SPPL3: variants seen among roughly 807,000 people sequenced by gnomAD.
SPPL3 encodes signal peptide peptidase like 3.
In SPPL3, 5 loss-of-function variants were observed where a neutral mutation model predicts 42.4. That is an observed-to-expected ratio of 0.12 (90% CI 0.06 to 0.25). SPPL3 has a LOEUF of 0.25. Among genes scored for constraint, SPPL3 ranks in the 10% least tolerant of loss-of-function variants. SPPL3 has a pLI of 1.00. For missense variants in SPPL3, 235 were observed against 489.0 expected, an observed-to-expected ratio of 0.48 and a Z score of 4.90; for synonymous variants, 195 against 181.8, an observed-to-expected ratio of 1.07 and a Z score of -0.58.
At chr12:120,774,324 T>C (rs1869231944) in intron 6 of SPPL3, among the ~76,000 whole-genome samples, 1 of 152,202 alleles carries the variant, frequency 6.6e-6, no homozygotes, top group South Asian at 2.1e-4. Context: ...CAAACATCTG[T>C]TCACATAATT....
chr12:120,833,314 G>T (rs1006722733), intron 1 of SPPL3, among the ~76,000 whole-genome samples: 1 of 152,144 alleles, frequency 6.6e-6, no homozygotes, highest in Non-Finnish European at 1.5e-5. Flanking sequence ...AGGAAAACAG[G>T]GTTGGCCAAA....
intron 1 of SPPL3, among the ~76,000 whole-genome samples, chr12:120,899,569 A>G (rs1297828157): frequency 6.6e-6 from 1 of 152,126 alleles, no homozygotes; most frequent in Non-Finnish European, 1.5e-5. Context: ...TAAGGAAGGA[A>G]TTATGCAGAC....
At chr12:120,790,852 C>T (rs957959650) in intron 3 of SPPL3, among the ~76,000 whole-genome samples, 10 of 141,334 alleles carry the variant, frequency 7.1e-5, no homozygotes, top group Non-Finnish European at 9.2e-5. Context: ...GACGGAGTTT[C>T]GCTCTTGTTG....
intron 1 of SPPL3, among the ~76,000 whole-genome samples, chr12:120,837,573 C>T (rs977741746): frequency 6.6e-5 from 10 of 152,148 alleles, no homozygotes; most frequent in African/African-American, 2.2e-4. Flanking sequence ...TTTGTACTTA[C>T]TCTTTATATC....
At chr12:120,903,712 G>T in intron 1 of SPPL3, 133 bp downstream of exon 1, 2 of 761,962 alleles carry the variant, frequency 2.6e-6, no homozygotes, top group South Asian at 2.2e-5. Context: ...GGGAAGAGGG[G>T]GGCGTGCACC....
intron 1 of SPPL3, among the ~76,000 whole-genome samples, chr12:120,896,085 T>C (rs931111578): frequency 5.9e-5 from 9 of 152,118 alleles, no homozygotes; most frequent in African/African-American, 2.2e-4. Context: ...ATGCTGGAAC[T>C]CCAAAAGAGA....
In SPPL3 at chr12:120,763,924, G is replaced by T. The variant is rs1868768502; in HGVS notation, c.*1075C>A. On this transcript the variant is annotated 3_prime_UTR_variant, in exon 11 of 11. Transcript: ENST00000353487. ...AAATAGAAAAATGTATTTACAAGTA[G>T]TACGTTACTATGATGAGAAAGCACA... 1 of 151,164 alleles carries T rather than the reference G, an allele frequency of 6.6e-6. No homozygotes were observed. The highest frequency in any genetic ancestry group is 1.5e-5 in the Non-Finnish European group (1 of 67,914). 9.4% of individuals were successfully genotyped at this position (151,164 alleles called of 1,614,324 possible).
At chr12:120,878,256 T>C (rs761300840) in intron 1 of SPPL3, among the ~76,000 whole-genome samples, 5 of 152,140 alleles carry the variant, frequency 3.3e-5, no homozygotes, top group Non-Finnish European at 5.9e-5. Context: ...AGAAGGAATA[T>C]ACCAGAATAT....
intron 4 of SPPL3, 56 bp downstream of exon 4, chr12:120,784,418 A>G: frequency 6.7e-7 from 1 of 1,484,446 alleles, no homozygotes; most frequent in South Asian, 1.4e-5. Context: ...ACAATGATAA[A>G]GGTGAAAAAT....
chr12:120,842,162 T>G (rs1164195236), intron 1 of SPPL3, among the ~76,000 whole-genome samples: 2 of 152,138 alleles, frequency 1.3e-5, no homozygotes, highest in African/African-American at 2.4e-5. Context: ...TGCTCAAAAT[T>G]TGAAATTGTG....
At chr12:120,788,736 T>C (rs1869806209) in intron 3 of SPPL3, among the ~76,000 whole-genome samples, 1 of 152,214 alleles carries the variant, frequency 6.6e-6, no homozygotes. Context: ...AAACTTCTGA[T>C]TACTGTCTCC....
chr12:120,840,966 A>T (rs540243455), intron 1 of SPPL3, among the ~76,000 whole-genome samples: 28 of 142,952 alleles, frequency 2.0e-4, no homozygotes, highest in African/African-American at 4.5e-4. Context: ...ATTCATTAAT[A>T]AATAAATAAC....
intron 5 of SPPL3, 87 bp downstream of exon 5, chr12:120,783,585 CAG>C (rs1869615655): frequency 8.0e-7 from 1 of 1,252,252 alleles, no homozygotes; most frequent in East Asian, 2.5e-5. Flanking sequence ...CAGCCAATAA[CAG>C]AAATTGAGAA....
chr12:120,892,191 A>G (rs1384036916), intron 1 of SPPL3, among the ~76,000 whole-genome samples: 2 of 152,170 alleles, frequency 1.3e-5, no homozygotes, highest in Non-Finnish European at 2.9e-5. Context: ...TCATTCTTTT[A>G]CAAAGAAAAT....
chr12:120,882,656 C>T (rs979633064), intron 1 of SPPL3, among the ~76,000 whole-genome samples: 1 of 152,072 alleles, frequency 6.6e-6, no homozygotes, highest in African/African-American at 2.4e-5. Context: ...AAAAGACATT[C>T]AAGATATATT....
intron 1 of SPPL3, among the ~76,000 whole-genome samples, chr12:120,829,896 A>G (rs1027458402): frequency 2.6e-5 from 4 of 151,804 alleles, no homozygotes; most frequent in African/African-American, 9.7e-5. Context: ...TGGGAGGCTG[A>G]GACAGGAGAA....
intron 3 of SPPL3, among the ~76,000 whole-genome samples, chr12:120,790,763 C>T (rs552332958): frequency 4.6e-5 from 7 of 151,252 alleles, no homozygotes; most frequent in South Asian, 4.2e-4. Context: ...TGAGGGTCAC[C>T]GAAAAAAGGT....
At chr12:120,807,276 A>C (rs1162373506) in intron 2 of SPPL3, among the ~76,000 whole-genome samples, 1 of 152,204 alleles carries the variant, frequency 6.6e-6, no homozygotes, top group Non-Finnish European at 1.5e-5. Flanking sequence ...GCGTTTCAGA[A>C]AGCCCTTACC....
Position 120,771,560 on chromosome 12 carries a change from T to C in SPPL3, c.503-2501A>G, listed in dbSNP as rs75525411. Among the ~76,000 whole-genome samples the C allele has an allele frequency of 1.3e-4, 13 of 99,462 alleles. 1 individual carries two copies. The highest frequency in any genetic ancestry group is 4.7e-4 in the African/African-American group (12 of 25,354). The allele number at this position is 99,462 out of a possible 152,430, so 65.3% of individuals were successfully genotyped here. ...CTTCTGATATACATAATTTCTTCTTTTTTTTAAACATTCTCACTGCCCTCA... is the reference window on the plus strand; with the variant it reads ...CTTCTGATATACATAATTTCTTCTTCTTTTTAAACATTCTCACTGCCCTCA... On this transcript the variant is annotated intron_variant, in intron 6 of 10. Coordinates refer to ENST00000353487, the MANE Select transcript of SPPL3 (RefSeq NM_139015.5).
Sources: allele counts gnomAD v4.1 joint callset (sites outside exome capture counted in the v4.1 genomes callset), GRCh38; gene constraint gnomAD v4.1.1; transcripts MANE v1.5; gene names NCBI Gene and HGNC (gene_info 2026-07-23, HGNC 2026-07-21).